Variants in TAOK3 observed in about 807,000 individuals in gnomAD.
The protein encoded by TAOK3 is TAO kinase 3.
In TAOK3, 40 loss-of-function variants were observed where a neutral mutation model predicts 120.4. The observed-to-expected ratio is 0.33, with a 90% CI of 0.26 to 0.43. The LOEUF (loss-of-function observed/expected upper bound fraction) is 0.43, where lower values mean the gene tolerates loss of function less well. Among genes scored for constraint, TAOK3 ranks in the 20% least tolerant of loss-of-function variants. The probability of loss-of-function intolerance (pLI) is 1.00; values close to 1 mark genes in which losing one functional copy is unlikely to be tolerated. For synonymous variants in TAOK3, 355 were observed against 387.5 expected, an observed-to-expected ratio of 0.92 and a Z score of 0.99; for missense variants, 821 against 1,112.1, an observed-to-expected ratio of 0.74 and a Z score of 3.72.
Position 118,314,279 on chromosome 12 carries a change from G to T in TAOK3, c.-193-47520C>A, listed in dbSNP as rs141209755. Reference sequence around the variant, plus strand: ...ATATGGAATTTAGGTTTTCAGGTTTGTCCACAAAGGGTTTGTCCCTAAAGC... The same window carrying T: ...ATATGGAATTTAGGTTTTCAGGTTTTTCCACAAAGGGTTTGTCCCTAAAGC... On this transcript the variant is annotated intron_variant, in intron 1 of 20. Coordinates refer to ENST00000392533, the MANE Select transcript of TAOK3 (RefSeq NM_016281.4). Among the ~76,000 whole-genome samples, 35 of 152,250 alleles carry T rather than the reference G, an allele frequency of 2.3e-4. No individual in the cohort carries two copies. In the East Asian group the frequency reaches 4.4e-3, roughly 19 times the overall value.
intron 3 of TAOK3, among the ~76,000 whole-genome samples, chr12:118,254,238 C>T (rs531076955): frequency 1.3e-5 from 2 of 152,128 alleles, no homozygotes; most frequent in Non-Finnish European, 2.9e-5. Flanking sequence ...GACATGATTG[C>T]CACTAAAAAT....
intron 2 of TAOK3, among the ~76,000 whole-genome samples, chr12:118,266,421 C>T (rs1324174047): frequency 6.6e-6 from 1 of 151,522 alleles, no homozygotes; most frequent in Non-Finnish European, 1.5e-5. Flanking sequence ...AGGCTGGTCT[C>T]GAACTCCTGA....
At chr12:118,339,969 TTAA>T (rs1355380114) in intron 1 of TAOK3, among the ~76,000 whole-genome samples, 3 of 152,238 alleles carry the variant, frequency 2.0e-5, no homozygotes, top group Non-Finnish European at 4.4e-5. Context: ...TGTCAAATTA[TTAA>T]TATCTTAACC....
intron 1 of TAOK3, among the ~76,000 whole-genome samples, chr12:118,333,107 G>T (rs902649342): frequency 3.9e-5 from 6 of 152,094 alleles, no homozygotes; most frequent in Admixed American, 1.3e-4. Flanking sequence ...AAAGACAAAA[G>T]AATTGAACAG....
At chr12:118,301,994 A>G (rs1001397562) in intron 1 of TAOK3, among the ~76,000 whole-genome samples, 2 of 152,214 alleles carry the variant, frequency 1.3e-5, no homozygotes, top group Admixed American at 6.5e-5. Flanking sequence ...AATTGTGAAG[A>G]AAATTTAAAT....
chr12:118,216,846 G>A (rs1476572684), intron 9 of TAOK3, among the ~76,000 whole-genome samples: 1 of 150,604 alleles, frequency 6.6e-6, no homozygotes, highest in African/African-American at 2.4e-5. Context: ...GGAGAATGGC[G>A]TGAACCCAGG....
At position 118,342,982 on chromosome 12, in the gene TAOK3, G is replaced by A. The variant is rs547002030; in HGVS notation, c.-194+29666C>T. ...AAGAGAGAGAGAGAGAGAGAGAAAT[G>A]AAGAAGTCTTGCAATATTTGCATAT... On this transcript the variant is annotated intron_variant, in intron 1 of 20. Transcript: ENST00000392533. Among the ~76,000 whole-genome samples, 365 of 130,490 alleles carry A rather than the reference G, an allele frequency of 2.8e-3. 2 individuals are homozygous for A. The highest frequency in any genetic ancestry group is 9.8e-3 in the African/African-American group (341 of 34,942). 85.6% of individuals were successfully genotyped at this position (130,490 alleles called of 152,430 possible).
At chr12:118,203,171 T>G (rs2038118635) in intron 11 of TAOK3, among the ~76,000 whole-genome samples, 2 of 152,130 alleles carry the variant, frequency 1.3e-5, no homozygotes, top group South Asian at 4.1e-4. Context: ...GTTCTCTATT[T>G]CTGTGGCCGT....
intron 1 of TAOK3, among the ~76,000 whole-genome samples, chr12:118,344,109 C>T (rs1449862420): frequency 6.6e-6 from 1 of 151,132 alleles, no homozygotes; most frequent in Non-Finnish European, 1.5e-5. Context: ...AGAACATTGG[C>T]AATGGTCTGA....
At chr12:118,283,334 T>A (rs2042160047) in intron 1 of TAOK3, among the ~76,000 whole-genome samples, 1 of 152,182 alleles carries the variant, frequency 6.6e-6, no homozygotes, top group African/African-American at 2.4e-5. Context: ...CTATGAAAGT[T>A]CAAAATAGGG....
intron 7 of TAOK3, 46 bp downstream of exon 7, chr12:118,238,027 G>C (rs1483798019): frequency 7.6e-7 from 1 of 1,312,782 alleles, no homozygotes; most frequent in African/African-American, 1.5e-5. Flanking sequence ...TCCTGGAATA[G>C]ACAGTCCTGC....
intron 1 of TAOK3, among the ~76,000 whole-genome samples, chr12:118,315,055 C>T (rs532573705): frequency 2.4e-4 from 36 of 152,102 alleles, no homozygotes; most frequent in Non-Finnish European, 4.3e-4. Flanking sequence ...CTCAGCCTCC[C>T]GACTAGCTGG....
chr12:118,158,917 C>T (rs16948161), intron 19 of TAOK3, among the ~76,000 whole-genome samples: 2,612 of 152,284 alleles, frequency 0.017, 79 homozygotes, highest in African/African-American at 0.059. Context: ...TTTCACGTCT[C>T]TAAGTCTTTG....
chr12:118,254,456 G>T (rs1302254515), intron 3 of TAOK3, among the ~76,000 whole-genome samples: 1 of 152,134 alleles, frequency 6.6e-6, no homozygotes, highest in African/African-American at 2.4e-5. Flanking sequence ...TAGGGAAAAA[G>T]ACATATATAA....
At chr12:118,249,494 G>A (rs1339761669) in intron 3 of TAOK3, among the ~76,000 whole-genome samples, 2 of 151,496 alleles carry the variant, frequency 1.3e-5, no homozygotes, top group Non-Finnish European at 2.9e-5. Context: ...CCCAGGAGGC[G>A]GAGGTTGCAG....
intron 1 of TAOK3, among the ~76,000 whole-genome samples, chr12:118,318,388 C>G (rs1225809111): frequency 6.6e-6 from 1 of 152,042 alleles, no homozygotes; most frequent in Non-Finnish European, 1.5e-5. Context: ...GATTTCTAGA[C>G]CTCGTGATCT....
intron 2 of TAOK3, among the ~76,000 whole-genome samples, chr12:118,257,842 A>C (rs982765722): frequency 2.6e-5 from 4 of 152,056 alleles, no homozygotes; most frequent in Non-Finnish European, 4.4e-5. Flanking sequence ...TCATTCAACA[A>C]ATATTGTTGA....
At chr12:118,302,388 C>T (rs1318775415) in intron 1 of TAOK3, among the ~76,000 whole-genome samples, 1 of 152,150 alleles carries the variant, frequency 6.6e-6, no homozygotes, top group African/African-American at 2.4e-5. Flanking sequence ...TACTCAGATG[C>T]AAGATTATCT....
At chr12:118,166,025 TG>T (rs2035557541) in intron 17 of TAOK3, among the ~76,000 whole-genome samples, 1 of 152,066 alleles carries the variant, frequency 6.6e-6, no homozygotes, top group Non-Finnish European at 1.5e-5. Context: ...TACATAATAA[TG>T]TTTAATGTGC....
Sources: gnomAD v4.1 joint callset for allele counts (sites outside exome capture counted in the v4.1 genomes callset) on GRCh38, gnomAD v4.1.1 for gene constraint, MANE v1.5 for transcripts, NCBI Gene and HGNC (gene_info 2026-07-23, HGNC 2026-07-21) for gene names.